WAC: variants seen among roughly 807,000 people sequenced by gnomAD.
The protein encoded by WAC is WW domain containing adaptor with coiled-coil, also known as WW domain-containing adapter protein with coiled-coil.
In WAC, 11 loss-of-function variants were observed where a neutral mutation model predicts 79.6. That is an observed-to-expected ratio of 0.14 (90% CI 0.09 to 0.23). WAC has a LOEUF of 0.23. WAC is among the 10% of genes least tolerant of loss of function. WAC has a pLI of 1.00. For synonymous variants in WAC, 304 were observed against 276.9 expected, an observed-to-expected ratio of 1.10 and a Z score of -0.97; for missense variants, 728 against 773.5, an observed-to-expected ratio of 0.94 and a Z score of 0.70.
intron 13 of WAC, among the ~76,000 whole-genome samples, chr10:28,618,235 G>A (rs1209790822): frequency 6.6e-6 from 1 of 152,078 alleles, no homozygotes; most frequent in Admixed American, 6.6e-5. Context: ...TCTTAATCTA[G>A]TGTTTCACTC....
intron 12 of WAC, 57 bp from the exon 13 acceptor site, chr10:28,617,600 T>C: frequency 7.0e-7 from 1 of 1,435,940 alleles, no homozygotes; most frequent in Non-Finnish European, 9.2e-7. Context: ...ATTTAATGTT[T>C]TATTTTGTGT....
intron 7 of WAC, among the ~76,000 whole-genome samples, chr10:28,607,216 C>A (rs752535263): frequency 6.6e-6 from 1 of 152,080 alleles, no homozygotes; most frequent in Admixed American, 6.5e-5. Context: ...GTTATGGATA[C>A]CTTTCTGTGT....
intron 3 of WAC, among the ~76,000 whole-genome samples, chr10:28,545,390 G>T (rs1284043504): frequency 6.6e-6 from 1 of 152,178 alleles, no homozygotes; most frequent in Non-Finnish European, 1.5e-5. Flanking sequence ...TGAGGCAGGA[G>T]AATTGCTTGA....
At chr10:28,545,264 G>T (rs1315613840) in intron 3 of WAC, among the ~76,000 whole-genome samples, 1 of 152,016 alleles carries the variant, frequency 6.6e-6, no homozygotes, top group African/African-American at 2.4e-5. Context: ...GGCCGAGGAG[G>T]GCGGATCACC....
intron 3 of WAC, among the ~76,000 whole-genome samples, chr10:28,536,183 G>A (rs1395802119): frequency 6.6e-6 from 1 of 151,710 alleles, no homozygotes; most frequent in African/African-American, 2.4e-5. Flanking sequence ...GTTGGTGGAG[G>A]TTGCAGTCAG....
intron 3 of WAC, among the ~76,000 whole-genome samples, chr10:28,550,607 CAT>C (rs1302341706): frequency 6.6e-6 from 1 of 152,094 alleles, no homozygotes; most frequent in East Asian, 1.9e-4. Flanking sequence ...TGTCATTTGA[CAT>C]ATTCAGGAAC....
chr10:28,564,933 G>A (rs332131), intron 3 of WAC, among the ~76,000 whole-genome samples: 127,316 of 152,168 alleles, frequency 0.84, 53,385 homozygotes, highest in East Asian at 0.94. Flanking sequence ...CTACCGCCAC[G>A]GTCAAGATAC....
chr10:28,543,333 C>T (rs1837166260), intron 3 of WAC, among the ~76,000 whole-genome samples: 1 of 152,122 alleles, frequency 6.6e-6, no homozygotes, highest in Admixed American at 6.6e-5. Context: ...TTTTATTTGA[C>T]CTAATATATC....
chr10:28,610,891 T>C (rs1841206532), intron 9 of WAC, 70 bp downstream of exon 9: 1 of 1,450,792 alleles, frequency 6.9e-7, no homozygotes, highest in African/African-American at 1.5e-5. Context: ...TAGCCCTTTT[T>C]TGTATTTAGT....
intron 3 of WAC, among the ~76,000 whole-genome samples, chr10:28,561,570 G>A (rs1184220318): frequency 6.6e-6 from 1 of 151,740 alleles, no homozygotes; most frequent in Non-Finnish European, 1.5e-5. Context: ...GACCCTGTGG[G>A]AAAAAAGGAT....
intron 3 of WAC, among the ~76,000 whole-genome samples, chr10:28,541,415 GTTTTGTTTTTTTTT>G (rs1481624770): frequency 1.8e-4 from 7 of 37,904 alleles, no homozygotes; most frequent in Non-Finnish European, 3.0e-4. Flanking sequence ...GTGTGTGTGT[GTTTTGTTTTTTTTT>G]TTTTTTTTTT....
chr10:28,549,963 G>A (rs1564378692), intron 3 of WAC, among the ~76,000 whole-genome samples: 2 of 152,048 alleles, frequency 1.3e-5, no homozygotes, highest in Non-Finnish European at 2.9e-5. Context: ...AGAAATTCAA[G>A]ACCAGCCAGG....
chr10:28,611,964 C>T, intron 10 of WAC, 42 bp downstream of exon 10: 2 of 1,597,934 alleles, frequency 1.3e-6, no homozygotes, highest in Non-Finnish European at 1.7e-6. Context: ...AAACTACTTA[C>T]TTTTGGAAAG....
At chr10:28,606,316 G>A (rs148099018) in intron 7 of WAC, among the ~76,000 whole-genome samples, 9 of 152,300 alleles carry the variant, frequency 5.9e-5, no homozygotes, top group African/African-American at 2.2e-4. Flanking sequence ...GATTATAGGC[G>A]TGAGCCACCA....
intron 6 of WAC, among the ~76,000 whole-genome samples, chr10:28,592,671 ATAACTTTT>A (rs2132688906): frequency 6.6e-6 from 1 of 152,302 alleles, no homozygotes; most frequent in Admixed American, 6.5e-5. Flanking sequence ...AAGTATAAAA[ATAACTTTT>A]TAACTTGTTT....
intron 10 of WAC, 49 bp downstream of exon 10, chr10:28,611,971 A>G (rs1225417977): frequency 5.0e-6 from 8 of 1,592,822 alleles, no homozygotes; most frequent in East Asian, 4.5e-5. Flanking sequence ...TTACTTTTGG[A>G]AAGTCAATAA....
intron 2 of WAC, among the ~76,000 whole-genome samples, chr10:28,534,835 A>G (rs554258129): frequency 2.6e-5 from 4 of 152,238 alleles, no homozygotes. Context: ...TATGTAAAAC[A>G]TTGGATATGT....
At chr10:28,600,056 A>G (rs2132735379) in intron 7 of WAC, among the ~76,000 whole-genome samples, 1 of 152,304 alleles carries the variant, frequency 6.6e-6, no homozygotes, top group East Asian at 1.9e-4. Context: ...TGCTATGACC[A>G]AGTTGTCAGG....
chr10:28,565,577 T>C (rs568680706), intron 3 of WAC, among the ~76,000 whole-genome samples: 1 of 152,218 alleles, frequency 6.6e-6, no homozygotes, highest in Admixed American at 6.5e-5. Flanking sequence ...CAGAATAATC[T>C]TCACTTATTG....
Sources: allele counts gnomAD v4.1 joint callset (sites outside exome capture counted in the v4.1 genomes callset), GRCh38; gene constraint gnomAD v4.1.1; transcripts MANE v1.5; gene names NCBI Gene and HGNC (gene_info 2026-07-23, HGNC 2026-07-21).